The following GAK variants were observed in gnomAD, a reference collection of about 807,000 sequenced individuals.
GAK encodes cyclin-G-associated kinase.
Under a neutral mutation model 143.9 loss-of-function variants are expected in GAK, and 79 were observed. The ratio of observed to expected loss-of-function variants is 0.55; its 90% CI spans 0.46 to 0.66. The LOEUF (loss-of-function observed/expected upper bound fraction) is 0.66. Ranked by LOEUF, GAK falls within the 30% of genes least tolerant of loss-of-function variation. The pLI is 0.00. For synonymous variants in GAK, 881 were observed against 765.5 expected (o/e 1.15, Z -2.49); for missense variants, 1,693 against 1,779.7 (o/e 0.95, Z 0.88).
chr4:883,506 C>T (rs780255350), intron 12 of GAK, 43 bp from the exon 13 acceptor site: 15 of 1,605,186 alleles, frequency 9.3e-6, no homozygotes, highest in Non-Finnish European at 1.2e-5. Context: ...AGATGCGCAC[C>T]TCGTGGCCAG....
intron 11 of GAK, chr4:884,423 C>T: frequency 6.9e-6 from 2 of 289,410 alleles, no homozygotes; most frequent in South Asian, 8.3e-5. Context: ...GGGATGGCAA[C>T]ACCGGTGGAA....
Position 888,916 on chromosome 4 carries a change from C to T in GAK, c.1136G>A (p.Arg379Gln), listed in dbSNP as rs200248212. The change falls in exon 11 of 28, where the codon CGG becomes CAG. Residue 379 changes from arginine to glutamine, a missense_variant. Arg to Gln is a conservative substitution (Grantham distance 43, BLOSUM62 1). Around this residue, in one of 2 missense-constraint regions of GAK, gnomAD observed 871 missense variants for 991.0 expected, o/e 0.88. Transcript: ENST00000314167. The part of the protein sequence containing the change: ...QPYGGFLDIL[R>Q]GGTERLFTNL... ...GGTGAAGAGCCGCTCTGTCCCACCCCGCAGAATGTCCAGGAAGCCGCCATA... is the reference window on the plus strand; with the variant it reads ...GGTGAAGAGCCGCTCTGTCCCACCCTGCAGAATGTCCAGGAAGCCGCCATA... The T allele has an allele frequency of 8.1e-6, 13 of 1,612,492 alleles. No homozygotes were observed. The highest frequency in any genetic ancestry group is 4.0e-5 in the African/African-American group (3 of 74,920).
intron 5 of GAK, among the ~76,000 whole-genome samples, chr4:902,376 G>A (rs756246005): frequency 7.1e-4 from 108 of 151,854 alleles, no homozygotes; most frequent in Non-Finnish European, 1.2e-3. Context: ...AGGCTGAGGC[G>A]GGTGGATCAC....
rs147195363 is a variant in GAK, at chr4:895,760, C to T, written c.741+700G>A. ...GGAGAGATGCAGGGATGAGGGAGGA[C>T]GCAGGAGACCACCCCAGCCATCAGG... On this transcript the variant is annotated intron_variant, in intron 7 of 27. Coordinates refer to ENST00000314167, the MANE Select transcript of GAK (RefSeq NM_005255.4). Among the ~76,000 whole-genome samples the T allele has an allele frequency of 6.7e-3, 1,020 of 152,322 alleles. 6 individuals are homozygous for T. Among genetic ancestry groups the T allele is most frequent in the Admixed American group, 8.0e-3 (123 of 15,308 alleles).
chr4:861,697 T>C (rs751844978), intron 23 of GAK, among the ~76,000 whole-genome samples: 2 of 152,178 alleles, frequency 1.3e-5, no homozygotes, highest in African/African-American at 2.4e-5. Flanking sequence ...GCCACTCCAG[T>C]GAACACACGA....
At chr4:923,570 G>A (rs1344893866) in intron 1 of GAK, among the ~76,000 whole-genome samples, 1 of 152,204 alleles carries the variant, frequency 6.6e-6, no homozygotes, top group African/African-American at 2.4e-5. Context: ...AGCTACCTGG[G>A]AGGCTGAGGT....
intron 26 of GAK, 132 bp downstream of exon 26, chr4:850,804 T>C (rs1454400165): frequency 1.0e-6 from 1 of 1,000,484 alleles, no homozygotes; most frequent in Non-Finnish European, 1.4e-6. Flanking sequence ...GCCGGCTCCA[T>C]GTGGTACAGC....
chr4:926,990 ACCCCTCCCGGCTC>A (rs1724898701), intron 1 of GAK, among the ~76,000 whole-genome samples: 1 of 13,272 alleles, frequency 7.5e-5, no homozygotes. Context: ...ACTGCCCCGC[ACCCCTCCCGGCTC>A]ACCAGCGCTC....
intron 19 of GAK, 30 bp from the exon 20 acceptor site, chr4:868,715 G>A (rs1017177010): frequency 3.9e-6 from 6 of 1,541,328 alleles, no homozygotes; most frequent in Middle Eastern, 2.0e-4. Context: ...TCAGGGCACT[G>A]GCACTGGCCA....
intron 15 of GAK, 91 bp from the exon 16 acceptor site, chr4:877,900 T>C: frequency 8.6e-7 from 1 of 1,166,512 alleles, no homozygotes; most frequent in South Asian, 1.7e-5. Context: ...TTTTTCATGC[T>C]AGAAATTTCC....
intron 7 of GAK, among the ~76,000 whole-genome samples, chr4:895,331 C>A (rs1461221617): frequency 6.6e-6 from 1 of 152,242 alleles, no homozygotes; most frequent in Non-Finnish European, 1.5e-5. Flanking sequence ...GCATCAGGAT[C>A]TTATCCAGCC....
intron 5 of GAK, among the ~76,000 whole-genome samples, chr4:899,951 C>T (rs1052984101): frequency 7.2e-5 from 11 of 152,172 alleles, no homozygotes; most frequent in African/African-American, 1.9e-4. Context: ...CATACAGGAC[C>T]GGGGCCTCTG....
Position 894,014 on chromosome 4 carries a change from G to A in GAK, c.742-5C>T, listed in dbSNP as rs114104601. 2,054 of 1,590,912 alleles carry A rather than the reference G, an allele frequency of 1.3e-3. 21 individuals carry two copies. The African/African-American group carries it at 0.024, about 18-fold the overall frequency. On this transcript the variant is annotated splice_region_variant and splice_polypyrimidine_tract_variant and intron_variant, in intron 7 of 27. Coordinates refer to ENST00000314167, the MANE Select transcript of GAK (RefSeq NM_005255.4). ...GTACAAGATGCAGCCCAGGGCCTGC[G>A]GGGAGAGCAGGGGTGATGCCTAGGC...
chr4:892,385 C>T (rs371193574), intron 9 of GAK, among the ~76,000 whole-genome samples: 4 of 152,238 alleles, frequency 2.6e-5, no homozygotes, highest in Non-Finnish European at 5.9e-5. Flanking sequence ...TGCCCAGGGG[C>T]CTCCCTGCTC....
At chr4:870,599 G>A in intron 19 of GAK, 112 bp downstream of exon 19, 1 of 1,091,716 alleles carries the variant, frequency 9.2e-7, no homozygotes, top group South Asian at 1.4e-5. Flanking sequence ...TCAGGGCCTG[G>A]GTGCAGCAGC....
At chr4:916,422 T>C (rs982217369) in intron 1 of GAK, among the ~76,000 whole-genome samples, 1 of 152,088 alleles carries the variant, frequency 6.6e-6, no homozygotes, top group Non-Finnish European at 1.5e-5. Context: ...ACCCGGCTAA[T>C]TTTTTTATTC....
intron 15 of GAK, among the ~76,000 whole-genome samples, chr4:881,367 G>C (rs3775129): frequency 6.6e-6 from 1 of 152,106 alleles, no homozygotes; most frequent in Non-Finnish European, 1.5e-5. Flanking sequence ...TGGACTCCTC[G>C]GGCGTGGACA....
chr4:853,499 C>G (rs1444516230), intron 24 of GAK: 1 of 152,328 alleles, frequency 6.6e-6, no homozygotes, highest in Non-Finnish European at 1.5e-5. Flanking sequence ...CGGCTCAACC[C>G]TGGCAATGCA....
chr4:859,186 G>T, intron 24 of GAK: 1 of 985,382 alleles, frequency 1.0e-6, no homozygotes, highest in African/African-American at 1.7e-5. Context: ...CGCCCGGGCC[G>T]GGCCTGAGGC....
Sources: allele counts gnomAD v4.1 joint callset (sites outside exome capture counted in the v4.1 genomes callset), GRCh38; gene constraint gnomAD v4.1.1; regional missense constraint gnomAD v4.1.1; transcripts MANE v1.5; gene names NCBI Gene and HGNC (gene_info 2026-07-23, HGNC 2026-07-21).